CDH8: variants seen among roughly 807,000 people sequenced by gnomAD.
CDH8 encodes cadherin 8.
A neutral mutation model predicts 68.1 loss-of-function variants in CDH8; 17 were observed. The ratio of observed to expected loss-of-function variants is 0.25; its 90% CI spans 0.17 to 0.37. The LOEUF (loss-of-function observed/expected upper bound fraction) is 0.37, where lower values mean the gene tolerates loss of function less well. CDH8 is among the 10% of genes least tolerant of loss of function. The probability of loss-of-function intolerance (pLI) is 1.00; values close to 1 mark genes in which losing one functional copy is unlikely to be tolerated. For missense variants in CDH8, 763 were observed against 999.3 expected, an observed-to-expected ratio of 0.76 and a Z score of 3.19; for synonymous variants, 372 against 365.1, an observed-to-expected ratio of 1.02 and a Z score of -0.21.
chr16:61,846,898 C>G (rs1446392076), intron 4 of CDH8, among the ~76,000 whole-genome samples: 1 of 152,082 alleles, frequency 6.6e-6, no homozygotes, highest in African/African-American at 2.4e-5. Context: ...AGAGAAAACA[C>G]TAGTGAAATG....
At chr16:61,918,098 T>G (rs554201161) in intron 2 of CDH8, among the ~76,000 whole-genome samples, 1 of 149,098 alleles carries the variant, frequency 6.7e-6, no homozygotes, top group Non-Finnish European at 1.5e-5. Flanking sequence ...AACTCTTCAT[T>G]ACTCACTCTC....
intron 2 of CDH8, among the ~76,000 whole-genome samples, chr16:61,970,765 G>C (rs530180589): frequency 4.6e-4 from 70 of 152,332 alleles, no homozygotes; most frequent in African/African-American, 1.5e-3. Context: ...GTTGAGGGCT[G>C]AGTCCCACAA....
intron 10 of CDH8, among the ~76,000 whole-genome samples, chr16:61,712,003 G>A (rs894140725): frequency 6.6e-6 from 1 of 151,484 alleles, no homozygotes; most frequent in Non-Finnish European, 1.5e-5. Flanking sequence ...AATTTACAAA[G>A]CAAAATAATA....
At chr16:61,953,365 T>G (rs77133700) in intron 2 of CDH8, among the ~76,000 whole-genome samples, 3,012 of 152,288 alleles carry the variant, frequency 0.02, 93 homozygotes, top group African/African-American at 0.069. Context: ...CTACTTGATA[T>G]TTTTTCTGTA....
At chr16:61,902,458 G>T (rs990381413) in intron 2 of CDH8, among the ~76,000 whole-genome samples, 4 of 151,066 alleles carry the variant, frequency 2.6e-5, no homozygotes, top group African/African-American at 9.7e-5. Flanking sequence ...GTATTTGGGG[G>T]TTTGAATTTT....
Position 61,910,083 on chromosome 16 carries a change from T to C in CDH8, c.253-8610A>G, listed in dbSNP as rs370558957. On this transcript the variant is annotated intron_variant, in intron 2 of 11. Transcript: ENST00000577390. ...TATAATTTCTAAGATTCTTAAATAC[T>C]TATTATGATGAGCAAATTATTTTTA... 2.6e-5 allele frequency among the ~76,000 whole-genome samples: 4 copies of C among 152,260 alleles called. 1 individual carries two copies. In the South Asian group the frequency reaches 8.3e-4, roughly 32 times the overall value.
In CDH8 at chr16:61,653,177, GA is replaced by G. The variant is rs1567403381; in HGVS notation, c.*430del. 8.2e-7 allele frequency: 1 copy of G among 1,223,938 alleles called. No individual in the cohort carries two copies. Among genetic ancestry groups the G allele is most frequent in the Non-Finnish European group, 1.0e-6 (1 of 983,910 alleles). The allele number at this position is 1,223,938 out of a possible 1,614,324, so 75.8% of individuals were successfully genotyped here. A position where few individuals can be genotyped will look rare whatever the true frequency, so the allele number is the denominator to read the frequency against. ...TGGCGGGATCCTTATTGGTGAAGGG[GA>G]AAAAACCATTTGCATTCATAAAAAT... On this transcript the variant is annotated 3_prime_UTR_variant, in exon 12 of 12. Coordinates refer to ENST00000577390, the MANE Select transcript of CDH8 (RefSeq NM_001796.5).
At chr16:61,663,473 T>C (rs1247252894) in intron 10 of CDH8, among the ~76,000 whole-genome samples, 1 of 152,010 alleles carries the variant, frequency 6.6e-6, no homozygotes, top group Non-Finnish European at 1.5e-5. Context: ...AAATAAAATG[T>C]ATATGTTTTA....
chr16:61,760,442 C>G (rs1960433608), intron 8 of CDH8, among the ~76,000 whole-genome samples: 1 of 151,872 alleles, frequency 6.6e-6, no homozygotes. Context: ...CTCCCAGTAG[C>G]TGGGATTACA....
intron 7 of CDH8, among the ~76,000 whole-genome samples, chr16:61,796,337 G>A (rs990930139): frequency 2.0e-5 from 3 of 151,962 alleles, no homozygotes; most frequent in Non-Finnish European, 2.9e-5. Context: ...TATTGGATTT[G>A]CTGCTCATTT....
Position 61,930,969 on chromosome 16 carries a change from G to A in CDH8, c.253-29496C>T, listed in dbSNP as rs950983822. The stretch of plus-strand genomic sequence containing the variant: ...AAAGTCAAACTTGCTTCCAAATTGG[G>A]TTTGACTAGCTAAATGCTCATTTAG... On this transcript the variant is annotated intron_variant, in intron 2 of 11. Transcript: ENST00000577390. Among the ~76,000 whole-genome samples, 19 of 152,164 alleles carry A rather than the reference G, an allele frequency of 1.2e-4. 1 individual carries two copies. Among genetic ancestry groups the A allele is most frequent in the African/African-American group, 4.3e-4 (18 of 41,430 alleles).
At position 61,718,541 on chromosome 16, in the gene CDH8, C is replaced by T. The variant is rs115485073; in HGVS notation, c.1537-4583G>A. On this transcript the variant is annotated intron_variant, in intron 9 of 11. Transcript: ENST00000577390. ...GGGTGAAGGAAAGGAAGGGAAGTTA[C>T]GGTCGATGAAGAAGGAACAGCATAA... Among the ~76,000 whole-genome samples, 489 of 151,280 alleles carry T rather than the reference C, an allele frequency of 3.2e-3. 2 individuals carry two copies. Among genetic ancestry groups the T allele is most frequent in the African/African-American group, 0.011 (471 of 41,388 alleles).
chr16:61,720,809 T>C (rs556330835), intron 9 of CDH8, among the ~76,000 whole-genome samples: 1 of 150,872 alleles, frequency 6.6e-6, no homozygotes, highest in African/African-American at 2.4e-5. Context: ...TTAGGAATCA[T>C]GTATAGTGTG....
At chr16:61,667,633 C>T (rs2142770814) in intron 10 of CDH8, 1 of 152,012 alleles carries the variant, frequency 6.6e-6, no homozygotes, top group East Asian at 1.9e-4. Context: ...ATGGCCCTGC[C>T]CACACCTTGA....
chr16:61,948,150 T>C (rs1191942882), intron 2 of CDH8, among the ~76,000 whole-genome samples: 1 of 152,192 alleles, frequency 6.6e-6, no homozygotes, highest in Non-Finnish European at 1.5e-5. Flanking sequence ...TGGAGGGAGC[T>C]GATTCTGTAA....
chr16:61,938,495 C>T (rs903988869), intron 2 of CDH8, among the ~76,000 whole-genome samples: 1 of 152,144 alleles, frequency 6.6e-6, no homozygotes, highest in Non-Finnish European at 1.5e-5. Flanking sequence ...AGGCCCTACG[C>T]CTTGTCCACA....
intron 10 of CDH8, among the ~76,000 whole-genome samples, chr16:61,696,964 G>T (rs968406125): frequency 6.6e-6 from 1 of 152,008 alleles, no homozygotes; most frequent in Non-Finnish European, 1.5e-5. Flanking sequence ...AGGCAGCAAG[G>T]GTTGAAAAAC....
intron 2 of CDH8, among the ~76,000 whole-genome samples, chr16:61,935,722 A>C (rs545778626): frequency 6.6e-6 from 1 of 152,230 alleles, no homozygotes; most frequent in South Asian, 2.1e-4. Flanking sequence ...AAAGCACCTA[A>C]GTATGTAAGA....
chr16:61,907,940 G>A (rs568095591), intron 2 of CDH8, among the ~76,000 whole-genome samples: 1 of 151,796 alleles, frequency 6.6e-6, no homozygotes, highest in East Asian at 2.0e-4. Flanking sequence ...CTATTCAGGA[G>A]GCTGAGGCAG....
Sources: allele counts gnomAD v4.1 joint callset (sites outside exome capture counted in the v4.1 genomes callset), GRCh38; gene constraint gnomAD v4.1.1; transcripts MANE v1.5; gene names NCBI Gene and HGNC (gene_info 2026-07-23, HGNC 2026-07-21).